CELSR1: variants seen among roughly 807,000 people sequenced by gnomAD.
The protein encoded by CELSR1 is adhesion G protein-coupled receptor C1.
Under a neutral mutation model 249.1 loss-of-function variants are expected in CELSR1, and 110 were observed. The observed-to-expected ratio is 0.44, with a 90% confidence interval of 0.38 to 0.52. The LOEUF (loss-of-function observed/expected upper bound fraction) is 0.52. CELSR1 is among the 20% of genes least tolerant of loss of function. The pLI is 0.00. For missense variants in CELSR1, 4,109 were observed against 4,296.4 expected, an observed-to-expected ratio of 0.96 and a Z score of 1.22; for synonymous variants, 2,113 against 1,900.0, an observed-to-expected ratio of 1.11 and a Z score of -2.92.
intron 25 of CELSR1, among the ~76,000 whole-genome samples, chr22:46,371,267 T>G (rs1306610898): frequency 6.6e-6 from 1 of 151,706 alleles, no homozygotes; most frequent in Admixed American, 6.6e-5. Context: ...GACGTTGCTG[T>G]GGAGACCAGG....
intron 22 of CELSR1, 142 bp from the exon 23 acceptor site, chr22:46,378,859 C>A (rs1333453140): frequency 5.4e-6 from 6 of 1,110,518 alleles, no homozygotes; most frequent in Non-Finnish European, 1.3e-6. Context: ...TGCTGAAAGC[C>A]CAGCGCCCTC....
intron 1 of CELSR1, among the ~76,000 whole-genome samples, chr22:46,495,328 A>G (rs895112514): frequency 6.6e-6 from 1 of 152,232 alleles, no homozygotes; most frequent in African/African-American, 2.4e-5. Flanking sequence ...AAGTCTAAAC[A>G]TATCTAAATA....
At position 46,527,325 on chromosome 22, in the gene CELSR1, C is replaced by G. The variant is rs2080748112; in HGVS notation, c.3544+6302G>C. The stretch of plus-strand genomic sequence containing the variant: ...CTTCCCTCCCCTCCACTCTCACCGC[C>G]CAGCAGCTGGGACATGGGACCCAGC... On this transcript the variant is annotated intron_variant, in intron 1 of 34. Transcript: ENST00000674500. This position sits in a 1 kb window ranked among gnomAD's most constrained non-coding sequence, Gnocchi z 5.5. 6.6e-6 allele frequency among the ~76,000 whole-genome samples: 1 copy of G among 152,196 alleles called. No individual in the cohort carries two copies. The highest frequency in any genetic ancestry group is 1.9e-4 in the East Asian group (1 of 5,196).
chr22:46,456,453 A>G (rs1347636782), intron 2 of CELSR1, among the ~76,000 whole-genome samples: 1 of 152,062 alleles, frequency 6.6e-6, no homozygotes, highest in East Asian at 1.9e-4. Context: ...AGGTCAGGAG[A>G]TCGAGACCGT....
chr22:46,510,463 G>A (rs948081483), intron 1 of CELSR1, among the ~76,000 whole-genome samples: 1 of 152,128 alleles, frequency 6.6e-6, no homozygotes, highest in African/African-American at 2.4e-5. Flanking sequence ...CAAAGGGACC[G>A]CTCTTCAATG....
chr22:46,510,436 G>A (rs2080561550), intron 1 of CELSR1, among the ~76,000 whole-genome samples: 1 of 152,208 alleles, frequency 6.6e-6, no homozygotes, highest in Admixed American at 6.5e-5. Flanking sequence ...GTCCTTCAGG[G>A]CCCCATTGTC....
chr22:46,496,258 T>C (rs1294951020), intron 1 of CELSR1, among the ~76,000 whole-genome samples: 2 of 150,656 alleles, frequency 1.3e-5, no homozygotes, highest in Non-Finnish European at 2.9e-5. Context: ...AAACACACAT[T>C]GTACAGCTGT....
Position 46,536,877 on chromosome 22 carries a change from CG to C in CELSR1, c.293del (p.Pro98ArgfsTer4). The part of the protein sequence containing the change: ...LQVRLVARSA[P>X]TALSRRLRAR... ...CCCGCAGGCGGCGGCTCAGCGCCGT[CG>C]GGGCACTGCGGGCCACCAAGCGGAC... On this transcript the variant is annotated frameshift_variant, in exon 1 of 35. Transcript: ENST00000674500. LOFTEE classifies it high-confidence loss of function. The C allele has an allele frequency of 8.2e-7, 1 of 1,226,744 alleles. No individual in the cohort carries two copies. The highest frequency in any genetic ancestry group is 1.0e-6 in the Non-Finnish European group (1 of 979,348). 76.0% of individuals were successfully genotyped at this position (1,226,744 alleles called of 1,614,324 possible).
intron 2 of CELSR1, among the ~76,000 whole-genome samples, chr22:46,458,211 G>A (rs917663007): frequency 7.9e-5 from 12 of 152,176 alleles, no homozygotes; most frequent in Non-Finnish European, 1.3e-4. Flanking sequence ...TGTCCCGAAG[G>A]CCAGAGTGAC....
chr22:46,394,110 A>C (rs149176857), intron 14 of CELSR1, 32 bp downstream of exon 14: 2 of 1,605,816 alleles, frequency 1.2e-6, no homozygotes, highest in South Asian at 2.2e-5. Context: ...GAGCAAACAC[A>C]GCATGCAGGG....
In CELSR1 at chr22:46,533,730, C is replaced by T. The variant is rs770930778; in HGVS notation, c.3441G>A (p.Glu1147=). ...CGGGGTCCAGCAGCAACAGGCGCAG[C>T]TCGTTGCCCTGCACGAAGGTGTAGT... The part of the protein sequence containing the change: ...SLNYTFVQGN[E]LRLLLLDPAT... Residue 1147 remains glutamate, a synonymous_variant, in exon 1 of 35, where the codon GAG becomes GAA. Transcript: ENST00000674500. 8.1e-6 allele frequency: 13 copies of T among 1,613,082 alleles called. No homozygotes were observed. The highest frequency in any genetic ancestry group is 3.3e-5 in the Admixed American group (2 of 60,012).
chr22:46,464,340 T>C lies in CELSR1; in HGVS notation c.3550A>G (p.Ile1184Val). The C allele has an allele frequency of 6.2e-7, 1 of 1,608,846 alleles. No homozygotes were observed. The highest frequency in any genetic ancestry group is 8.5e-7 in the Non-Finnish European group (1 of 1,177,376). The change falls in exon 2 of 35, where the codon ATC becomes GTC. Residue 1184 changes from isoleucine to valine, a missense_variant. Around this residue, in one of 7 missense-constraint regions of CELSR1, gnomAD observed 886 missense variants for 896.5 expected, o/e 0.99. Coordinates refer to ENST00000674500, the MANE Select transcript of CELSR1 (RefSeq NM_001378328.1). This position sits in a 1 kb window ranked among gnomAD's most constrained non-coding sequence, Gnocchi z 8.5. ...ALMEVSVSDG[I>V]HSVTAFCTLR... ...GTGCAGAAGGCCGTGACGCTGTGGA[T>C]GCCATCTGCAGACACAAGGAAAGTC...
rs1850921786 is a variant in CELSR1, at chr22:46,537,564, G to C, written c.-394C>G. ...GGGGGCTGAGTTCCCGGAGCGGGCT[G>C]GGCAGCTCCGCGCCGCGCAGACCCC... On this transcript the variant is annotated 5_prime_UTR_variant, in exon 1 of 35. Transcript: ENST00000674500. The surrounding 1 kb of genome is among the most constrained non-coding windows in gnomAD (Gnocchi z 5.8). Among the ~76,000 whole-genome samples, 2 of 147,320 alleles carry C rather than the reference G, an allele frequency of 1.4e-5. No homozygotes were observed. Among genetic ancestry groups the C allele is most frequent in the East Asian group, 2.0e-4 (1 of 5,072 alleles).
intron 1 of CELSR1, among the ~76,000 whole-genome samples, chr22:46,525,431 A>G (rs1850881879): frequency 7.4e-6 from 1 of 135,824 alleles, no homozygotes; most frequent in African/African-American, 2.9e-5. Context: ...CCTGGGCAAC[A>G]AAAGCAAAAC....
At chr22:46,477,098 T>C (rs1019755826) in intron 1 of CELSR1, among the ~76,000 whole-genome samples, 1 of 152,292 alleles carries the variant, frequency 6.6e-6, no homozygotes, top group African/African-American at 2.4e-5. Flanking sequence ...ATGAACAGGT[T>C]TCTAAGACGT....
In CELSR1 at chr22:46,397,627, A is replaced by G. The variant is rs564772200; in HGVS notation, c.5701+47T>C. On this transcript the variant is annotated intron_variant, in intron 12 of 34. Transcript: ENST00000674500. ...TGAGCCCCCCTCCTGTGTTTCAGCC[A>G]TAAGAGACCTCCCTGTCACTGAAGG... The G allele has an allele frequency of 2.7e-5, 38 of 1,399,982 alleles. No individual in the cohort carries two copies. In the South Asian group the frequency reaches 5.5e-4, roughly 20 times the overall value. 86.7% of individuals were successfully genotyped at this position (1,399,982 alleles called of 1,614,324 possible).
intron 1 of CELSR1, among the ~76,000 whole-genome samples, chr22:46,511,575 C>T (rs973863950): frequency 2.6e-5 from 4 of 152,244 alleles, no homozygotes; most frequent in African/African-American, 4.8e-5. Flanking sequence ...GGGCCAGGCA[C>T]CCAAAGCTCA....
rs1457395157 is a variant in CELSR1 at position 46,536,100 on chromosome 22, C to T, written c.1071G>A (p.Glu357=). 6 of 1,612,264 alleles carry T rather than the reference C, an allele frequency of 3.7e-6. No individual in the cohort carries two copies. Among genetic ancestry groups the T allele is most frequent in the Non-Finnish European group, 5.1e-6 (6 of 1,180,004 alleles). The change falls in exon 1 of 35, where the codon GAG becomes GAA. Residue 357 remains glutamate, a synonymous_variant. Coordinates refer to ENST00000674500, the MANE Select transcript of CELSR1 (RefSeq NM_001378328.1). ...NDHSPVFEQS[E]YRERVRENLE... is the part of the protein sequence containing the mutation. ...GGTTCTCCCGCACGCGCTCGCGGTA[C>T]TCCGACTGCTCGAAGACCGGGCTGT...
chr22:46,462,822 A>G, intron 2 of CELSR1: 1 of 393,454 alleles, frequency 2.5e-6, no homozygotes, highest in Non-Finnish European at 5.1e-6. Context: ...TTTAAAAACC[A>G]CCGTTGGCTA....
Sources: allele counts gnomAD v4.1 joint callset (sites outside exome capture counted in the v4.1 genomes callset), GRCh38; gene constraint gnomAD v4.1.1; regional missense constraint gnomAD v4.1.1; non-coding constraint Gnocchi (gnomAD v3.1); transcripts MANE v1.5; gene names NCBI Gene and HGNC (gene_info 2026-07-23, HGNC 2026-07-21).